Variants in OR2L2 observed in about 807,000 individuals in gnomAD.
OR2L2 encodes the protein olfactory receptor 2L2.
For synonymous variants in OR2L2, 156 were observed against 135.4 expected, an observed-to-expected ratio of 1.15 and a Z score of -1.06; for missense variants, 378 against 375.2, an observed-to-expected ratio of 1.01 and a Z score of -0.06.
intron 1 of OR2L2, among the ~76,000 whole-genome samples, chr1:248,033,806 G>T (rs757480337): frequency 2.0e-5 from 3 of 151,868 alleles, no homozygotes; most frequent in Non-Finnish European, 4.4e-5. Flanking sequence ...TTTGATTTCT[G>T]TAGTTCTTGG....
chr1:248,037,315 C>T (rs1662791977), intron 2 of OR2L2, among the ~76,000 whole-genome samples: 1 of 152,078 alleles, frequency 6.6e-6, no homozygotes, highest in Admixed American at 6.6e-5. Context: ...TGCAGTTCTA[C>T]AAGTAAGTCT....
chr1:248,042,049 T>G lies in OR2L2; in HGVS notation c.*2843T>G, dbSNP rs1460980200. The G allele has an allele frequency of 6.6e-6, 1 of 152,094 alleles. No individual in the cohort carries two copies. Among genetic ancestry groups the G allele is most frequent in the Non-Finnish European group, 1.5e-5 (1 of 68,024 alleles). 9.4% of individuals were successfully genotyped at this position (152,094 alleles called of 1,614,324 possible). On this transcript the variant is annotated 3_prime_UTR_variant, in exon 3 of 3. Transcript: ENST00000641771. Reference sequence around the variant, plus strand: ...TAAATCATGCTGCTATAAAGACACATGCACACCTATGTTTATTGCGGCACT... The same window carrying G: ...TAAATCATGCTGCTATAAAGACACAGGCACACCTATGTTTATTGCGGCACT...
Position 248,042,284 on chromosome 1 carries a change from T to C in OR2L2, c.*3078T>C, listed in dbSNP as rs548519162. The C allele has an allele frequency of 1.9e-4, 28 of 143,886 alleles. No homozygotes were observed. Among genetic ancestry groups the C allele is most frequent in the African/African-American group, 7.2e-4 (28 of 38,680 alleles). The allele number at this position is 143,886 out of a possible 1,614,324, so 8.9% of individuals were successfully genotyped here. On this transcript the variant is annotated 3_prime_UTR_variant, in exon 3 of 3. Coordinates refer to ENST00000641771, the MANE Select transcript of OR2L2 (RefSeq NM_001385855.1). The stretch of plus-strand genomic sequence containing the variant: ...AAAACCAAACACCGCATATTCTCAC[T>C]CATAGGTGGGAATTGAACAATGAGA...
In OR2L2 at chr1:248,041,386, G is replaced by A. The variant is rs1175523172; in HGVS notation, c.*2180G>A. The A allele has an allele frequency of 6.6e-6, 1 of 152,036 alleles. No homozygotes were observed. The highest frequency in any genetic ancestry group is 1.5e-5 in the Non-Finnish European group (1 of 67,994). The allele number at this position is 152,036 out of a possible 1,614,324, so 9.4% of individuals were successfully genotyped here. A position where few individuals can be genotyped will look rare whatever the true frequency, so the allele number is the denominator to read the frequency against. Reference sequence around the variant, plus strand: ...AGATGGATTAAAGACTTAAACGTTAGACCTAAAACCATAAAAACCCTAGAA... The same window carrying A: ...AGATGGATTAAAGACTTAAACGTTAAACCTAAAACCATAAAAACCCTAGAA... On this transcript the variant is annotated 3_prime_UTR_variant, in exon 3 of 3. Coordinates refer to ENST00000641771, the MANE Select transcript of OR2L2 (RefSeq NM_001385855.1).
In OR2L2 at chr1:248,040,775, T is replaced by A. The variant is rs1325961966; in HGVS notation, c.*1569T>A. 6.6e-6 allele frequency: 1 copy of A among 152,206 alleles called. No homozygotes were observed. The highest frequency in any genetic ancestry group is 2.4e-5 in the African/African-American group (1 of 41,448). 9.4% of individuals were successfully genotyped at this position (152,206 alleles called of 1,614,324 possible). ...AGTTAGGTTTTGGGGAGTTCAAAGT[T>A]AAATGCATATTCTACTGCTTGGCGG... On this transcript the variant is annotated 3_prime_UTR_variant, in exon 3 of 3. Transcript: ENST00000641771.
At position 248,038,484 on chromosome 1, in the gene OR2L2, A is replaced by C. The variant is rs752972575; in HGVS notation, c.217A>C (p.Ile73Leu). The change falls in exon 3 of 3, where the codon ATC becomes CTC. Residue 73 changes from isoleucine to leucine, a missense_variant. Coordinates refer to ENST00000641771, the MANE Select transcript of OR2L2 (RefSeq NM_001385855.1). ...GCTCTCCCTCATTGACCTAAATTACATCTCCACCATTGTTCCAAAGATGGT... is the reference window on the plus strand; with the variant it reads ...GCTCTCCCTCATTGACCTAAATTACCTCTCCACCATTGTTCCAAAGATGGT... ...SQLSLIDLNY[I>L]STIVPKMVYD... 8.1e-6 allele frequency: 13 copies of C among 1,613,838 alleles called. No individual in the cohort carries two copies. The highest frequency in any genetic ancestry group is 1.7e-4 in the Middle Eastern group (1 of 6,058).
chr1:248,037,788 A>T (rs936810619), intron 2 of OR2L2, among the ~76,000 whole-genome samples: 2 of 152,162 alleles, frequency 1.3e-5, no homozygotes, highest in African/African-American at 2.4e-5. Context: ...CGGTCTGAAA[A>T]TATTGCATGG....
At chr1:248,030,285 G>T (rs543179151) in intron 1 of OR2L2, 50 bp downstream of exon 1, 3 of 152,288 alleles carry the variant, frequency 2.0e-5, no homozygotes, top group South Asian at 4.1e-4. Context: ...CAGCGAAGAA[G>T]GGACTCTGGC....
At position 248,033,771 on chromosome 1, in the gene OR2L2, T is replaced by A. The variant is rs191183868; in HGVS notation, c.-96-1779T>A. Among the ~76,000 whole-genome samples the A allele has an allele frequency of 4.6e-5, 7 of 152,220 alleles. No homozygotes were observed. The East Asian group carries it at 1.3e-3, about 29-fold the overall frequency. On this transcript the variant is annotated intron_variant, in intron 1 of 2. Transcript: ENST00000641771. Reference sequence around the variant, plus strand: ...CTTTTCTTCTATTGTTATACATGTCTGGCTTTATACCAATGTCATACTGTT... The same window carrying A: ...CTTTTCTTCTATTGTTATACATGTCAGGCTTTATACCAATGTCATACTGTT...
chr1:248,030,713 T>G (rs1662595925), intron 1 of OR2L2, among the ~76,000 whole-genome samples: 1 of 152,170 alleles, frequency 6.6e-6, no homozygotes, highest in South Asian at 2.1e-4. Flanking sequence ...GCTTACAAAC[T>G]CTGAATCTCA....
intron 1 of OR2L2, among the ~76,000 whole-genome samples, chr1:248,031,257 T>C (rs972041809): frequency 1.3e-5 from 2 of 152,186 alleles, no homozygotes; most frequent in Non-Finnish European, 2.9e-5. Context: ...CTAACAATAA[T>C]ATTATATGGT....
At chr1:248,031,840 A>G (rs1015992815) in intron 1 of OR2L2, among the ~76,000 whole-genome samples, 1 of 152,154 alleles carries the variant, frequency 6.6e-6, no homozygotes, top group Admixed American at 6.6e-5. Flanking sequence ...CTTTTTTAAA[A>G]ATAGGGTACT....
chr1:248,037,549 A>C (rs1467494856), intron 2 of OR2L2, among the ~76,000 whole-genome samples: 1 of 152,198 alleles, frequency 6.6e-6, no homozygotes, highest in Non-Finnish European at 1.5e-5. Context: ...ATTTCTTAGA[A>C]AAACTTTGGT....
At position 248,039,831 on chromosome 1, in the gene OR2L2, GTCT is replaced by G. The variant is rs894114124; in HGVS notation, c.*633_*635del. The G allele has an allele frequency of 1.2e-4, 18 of 152,232 alleles. No individual in the cohort carries two copies. Among genetic ancestry groups the G allele is most frequent in the African/African-American group, 3.4e-4 (14 of 41,542 alleles). The allele number at this position is 152,232 out of a possible 1,614,324, so 9.4% of individuals were successfully genotyped here. ...TTATTTACTCTCAACTGGTATGTATGTCTTCTTCTTTTTCTTAAAGTAATGTTT... is the reference window on the plus strand; with the variant it reads ...TTATTTACTCTCAACTGGTATGTATGTCTTCTTTTTCTTAAAGTAATGTTT... On this transcript the variant is annotated 3_prime_UTR_variant, in exon 3 of 3. Coordinates refer to ENST00000641771, the MANE Select transcript of OR2L2 (RefSeq NM_001385855.1).
rs542260753 is a variant in OR2L2 at position 248,030,215 on chromosome 1, G to C, written c.-117G>C. 2.0e-5 allele frequency: 3 copies of C among 152,160 alleles called. No individual in the cohort carries two copies. The South Asian group carries it at 6.2e-4, about 32-fold the overall frequency. The allele number at this position is 152,160 out of a possible 1,614,324, so 9.4% of individuals were successfully genotyped here. On this transcript the variant is annotated 5_prime_UTR_variant, in exon 1 of 3. Coordinates refer to ENST00000641771, the MANE Select transcript of OR2L2 (RefSeq NM_001385855.1). ...AGCTAAGCAAAGGCACTGAGTGTTT[G>C]GAAATGAGGAAATAATAAAGGTACT... is the stretch of plus-strand genomic sequence containing the variant.
At chr1:248,032,775 T>C (rs1662653019) in intron 1 of OR2L2, among the ~76,000 whole-genome samples, 3 of 152,234 alleles carry the variant, frequency 2.0e-5, no homozygotes, top group Admixed American at 2.0e-4. Flanking sequence ...AAGTTGTCTC[T>C]GCCTTTGGGG....
rs780233979 is a variant in OR2L2 at position 248,038,239 on chromosome 1, C to A, written c.-21-8C>A. 6 of 1,458,380 alleles carry A rather than the reference C, an allele frequency of 4.1e-6. No homozygotes were observed. The East Asian group carries it at 6.8e-5, about 17-fold the overall frequency. 90.3% of individuals were successfully genotyped at this position (1,458,380 alleles called of 1,614,324 possible). The stretch of plus-strand genomic sequence containing the variant: ...CTGTTCTTAATTTACCCTTTTGTCT[C>A]CCTTCAGGATGGATTGTAGGAATTC... On this transcript the variant is annotated splice_region_variant and splice_polypyrimidine_tract_variant and intron_variant, in intron 2 of 2. Coordinates refer to ENST00000641771, the MANE Select transcript of OR2L2 (RefSeq NM_001385855.1).
At position 248,038,980 on chromosome 1, in the gene OR2L2, C is replaced by G. The variant is rs1263650601; in HGVS notation, c.713C>G (p.Ser238Ter). 1 of 1,614,094 alleles carries G rather than the reference C, an allele frequency of 6.2e-7. No individual in the cohort carries two copies. The highest frequency in any genetic ancestry group is 1.1e-5 in the South Asian group (1 of 91,086). ...HSAEGRKKAY[S>*]TCSTHLTVVS... ...GCAGAAGGGAGGAAGAAGGCCTATTCAACCTGTAGCACCCACCTCACTGTA... is the reference window on the plus strand; with the variant it reads ...GCAGAAGGGAGGAAGAAGGCCTATTGAACCTGTAGCACCCACCTCACTGTA... Residue 238 changes from serine (S) to a stop codon, truncating the protein, a stop_gained, in exon 3 of 3, where the codon TCA becomes TGA. Coordinates refer to ENST00000641771, the MANE Select transcript of OR2L2 (RefSeq NM_001385855.1). LOFTEE classifies it low-confidence loss of function (END_TRUNC).
At chr1:248,038,161 C>G in intron 2 of OR2L2, 86 bp from the exon 3 acceptor site, 1 of 760,966 alleles carries the variant, frequency 1.3e-6, no homozygotes, top group South Asian at 1.7e-5. Flanking sequence ...ACCCCAGTTT[C>G]AGGCATCCAC....
Sources: allele counts gnomAD v4.1 joint callset (sites outside exome capture counted in the v4.1 genomes callset), GRCh38; gene constraint gnomAD v4.1.1; transcripts MANE v1.5; gene names NCBI Gene and HGNC (gene_info 2026-07-23, HGNC 2026-07-21).